Variants in LRIG2 observed in about 807,000 individuals in gnomAD.
LRIG2 encodes the protein leucine-rich repeats and immunoglobulin-like domains protein 2.
Under a neutral mutation model 107.8 loss-of-function variants are expected in LRIG2, and 93 were observed. The ratio of observed to expected loss-of-function variants is 0.86; its 90% CI spans 0.73 to 1.03. The LOEUF (loss-of-function observed/expected upper bound fraction) is 1.03, where lower values mean the gene tolerates loss of function less well. Among genes scored for constraint, LRIG2 ranks in the 50% least tolerant of loss-of-function variants. LRIG2 has a pLI of 0.00. For missense variants in LRIG2, 1,226 were observed against 1,296.0 expected (o/e 0.95, Z 0.83); for synonymous variants, 471 against 470.6 (o/e 1.00, Z -0.01).
intron 13 of LRIG2, among the ~76,000 whole-genome samples, chr1:113,111,038 CTT>C (rs1410689337): frequency 1.3e-5 from 2 of 151,446 alleles, no homozygotes; most frequent in Non-Finnish European, 2.9e-5. Flanking sequence ...TTTAATTTCT[CTT>C]GTTTTTTGTT....
At chr1:113,109,100 G>A (rs1039992413) in intron 12 of LRIG2, among the ~76,000 whole-genome samples, 3 of 152,142 alleles carry the variant, frequency 2.0e-5, no homozygotes, top group Non-Finnish European at 4.4e-5. Context: ...TTTTTACAAA[G>A]TTTAAAGAAG....
At chr1:113,096,476 G>A in intron 8 of LRIG2, 111 bp downstream of exon 8, 1 of 1,201,334 alleles carries the variant, frequency 8.3e-7, no homozygotes, top group Non-Finnish European at 1.2e-6. Flanking sequence ...CTAACATTTT[G>A]TGGTTCTTCT....
rs1655390579 is a variant in LRIG2, at chr1:113,124,186, T to C, written c.*85T>C. Reference sequence around the variant, plus strand: ...TCAGAGCTCAGAAGAAACTCCGAAGTCAGCATTTGCTTTACTCTTTCTTTA... The same window carrying C: ...TCAGAGCTCAGAAGAAACTCCGAAGCCAGCATTTGCTTTACTCTTTCTTTA... On this transcript the variant is annotated 3_prime_UTR_variant, in exon 18 of 18. Coordinates refer to ENST00000361127, the MANE Select transcript of LRIG2 (RefSeq NM_014813.3). 1 of 1,184,970 alleles carries C rather than the reference T, an allele frequency of 8.4e-7. No individual in the cohort carries two copies. Among genetic ancestry groups the C allele is most frequent in the South Asian group, 1.3e-5 (1 of 74,464 alleles). The allele number at this position is 1,184,970 out of a possible 1,614,324, so 73.4% of individuals were successfully genotyped here.
At position 113,131,585 on chromosome 1, in the gene LRIG2, G is replaced by A. The variant is rs2101084076; in HGVS notation, c.*7484G>A. 6.6e-6 allele frequency: 1 copy of A among 152,282 alleles called. No individual in the cohort carries two copies. Among genetic ancestry groups the A allele is most frequent in the Middle Eastern group, 3.4e-3 (1 of 294 alleles). 9.4% of individuals were successfully genotyped at this position (152,282 alleles called of 1,614,324 possible). A position where few individuals can be genotyped will look rare whatever the true frequency, so the allele number is the denominator to read the frequency against. ...GATCTCTTTGCCCATACAGTTGGCA[G>A]ATGTTTTTTCCCCCTTTTTCTACCT... On this transcript the variant is annotated 3_prime_UTR_variant, in exon 18 of 18. Coordinates refer to ENST00000361127, the MANE Select transcript of LRIG2 (RefSeq NM_014813.3).
At chr1:113,084,815 T>G (rs1653472670) in intron 1 of LRIG2, among the ~76,000 whole-genome samples, 1 of 152,228 alleles carries the variant, frequency 6.6e-6, no homozygotes. Flanking sequence ...CACATCATAT[T>G]AAGTAAAGGC....
intron 2 of LRIG2, 69 bp downstream of exon 2, chr1:113,091,452 G>T: frequency 9.8e-7 from 1 of 1,024,006 alleles, no homozygotes; most frequent in Admixed American, 2.5e-5. Flanking sequence ...GTGATTTGTG[G>T]GATGTTTAAT....
At position 113,115,132 on chromosome 1, in the gene LRIG2, A is replaced by G. The variant is rs115465534; in HGVS notation, c.2530+256A>G. ...CATTACCTGATATGTGATAGAAGGG[A>G]GTTTTTGTTGTTAAAATGTTCAACT... is the stretch of plus-strand genomic sequence containing the variant. On this transcript the variant is annotated intron_variant, in intron 15 of 17. Coordinates refer to ENST00000361127, the MANE Select transcript of LRIG2 (RefSeq NM_014813.3). 5.7e-3 allele frequency among the ~76,000 whole-genome samples: 874 copies of G among 152,282 alleles called. 6 individuals carry two copies. The highest frequency in any genetic ancestry group is 0.027 in the Middle Eastern group (8 of 292).
At chr1:113,090,432 G>A (rs920032430) in intron 1 of LRIG2, among the ~76,000 whole-genome samples, 10 of 151,920 alleles carry the variant, frequency 6.6e-5, no homozygotes, top group African/African-American at 2.2e-4. Context: ...ATACACACAC[G>A]TAAAGTAAAA....
intron 1 of LRIG2, among the ~76,000 whole-genome samples, chr1:113,084,020 TAA>T (rs1653417226): frequency 7.2e-6 from 1 of 139,132 alleles, no homozygotes; most frequent in South Asian, 2.5e-4. Context: ...ATAATAATAA[TAA>T]TAATAATAAT....
intron 1 of LRIG2, among the ~76,000 whole-genome samples, chr1:113,074,042 G>C (rs888702430): frequency 6.6e-6 from 1 of 152,012 alleles, no homozygotes; most frequent in African/African-American, 2.4e-5. Flanking sequence ...GCATGATTTG[G>C]TGTGTACCTC....
At chr1:113,108,997 A>G (rs779853897) in intron 12 of LRIG2, among the ~76,000 whole-genome samples, 7 of 152,188 alleles carry the variant, frequency 4.6e-5, no homozygotes, top group Non-Finnish European at 5.9e-5. Context: ...TTGAGTACCT[A>G]TATATTGCCA....
At chr1:113,101,229 C>T (rs1377107711) in intron 11 of LRIG2, among the ~76,000 whole-genome samples, 3 of 152,116 alleles carry the variant, frequency 2.0e-5, no homozygotes, top group Non-Finnish European at 2.9e-5. Context: ...CCACCACACC[C>T]GGCTAATGTT....
intron 11 of LRIG2, among the ~76,000 whole-genome samples, chr1:113,105,435 T>G (rs1208894904): frequency 1.3e-5 from 2 of 152,248 alleles, no homozygotes; most frequent in Non-Finnish European, 2.9e-5. Flanking sequence ...ACTATAATTA[T>G]ATAACTTTAA....
rs1365727909 is a variant in LRIG2 at position 113,099,335 on chromosome 1, T to C, written c.1172+550T>C. 2.8e-5 allele frequency among the ~76,000 whole-genome samples: 4 copies of C among 144,480 alleles called. No individual in the cohort carries two copies. The Admixed American group carries it at 3.0e-4, about 11-fold the overall frequency. 94.8% of individuals were successfully genotyped at this position (144,480 alleles called of 152,430 possible). A position where few individuals can be genotyped will look rare whatever the true frequency, so the allele number is the denominator to read the frequency against. On this transcript the variant is annotated intron_variant, in intron 9 of 17. Transcript: ENST00000361127. ...TCACAGCAGCTTCAACCTCCTAGGC[T>C]CAAGTGATCTCCCACCTTGGCCTCC... is the stretch of plus-strand genomic sequence containing the variant.
chr1:113,123,887 G>A lies in LRIG2; in HGVS notation c.2984G>A (p.Arg995Gln), dbSNP rs139029257. ...STQMSGETLQ[R>Q]PVWNINRELG... ...CTTTCATTCTCAGAAACATTGCAGC[G>A]GCCCGTGTGGAACATAAACAGAGAA... Residue 995 changes from arginine (R) to glutamine (Q), a missense_variant, in exon 18 of 18, where the codon CGG becomes CAG. Arg to Gln is a conservative substitution (Grantham distance 43, BLOSUM62 1). Coordinates refer to ENST00000361127, the MANE Select transcript of LRIG2 (RefSeq NM_014813.3). 3.7e-6 allele frequency: 6 copies of A among 1,613,870 alleles called. No individual in the cohort carries two copies. In the South Asian group the frequency reaches 4.4e-5, roughly 12 times the overall value.
chr1:113,088,224 G>A (rs966533906), intron 1 of LRIG2, among the ~76,000 whole-genome samples: 2 of 152,132 alleles, frequency 1.3e-5, no homozygotes, highest in Admixed American at 1.3e-4. Context: ...CTGTTTGAAA[G>A]CATATATCCT....
chr1:113,123,548 C>T (rs894919362), intron 17 of LRIG2, among the ~76,000 whole-genome samples: 2 of 151,934 alleles, frequency 1.3e-5, no homozygotes, highest in South Asian at 2.1e-4. Flanking sequence ...CACTCCAGCC[C>T]GGGCAACAAG....
rs1459265764 is a variant in LRIG2 at position 113,094,573 on chromosome 1, CA to C, written c.660-36del. 5.6e-6 allele frequency: 9 copies of C among 1,592,922 alleles called. No homozygotes were observed. The South Asian group carries it at 5.7e-5, about 10-fold the overall frequency. ...TTTAATTACTGTTAGAACATTTTAG[CA>C]AACCAATTTCCTGACTGTAAAACTA... On this transcript the variant is annotated intron_variant, in intron 5 of 17. Coordinates refer to ENST00000361127, the MANE Select transcript of LRIG2 (RefSeq NM_014813.3).
rs759398154 is a variant in LRIG2 at position 113,119,229 on chromosome 1, T to C, written c.2681-4T>C. ...GATATTTAGATTCTTTTTCTTGTTA[T>C]TAGGTGGCACTGGTACCCGGGTGAT... On this transcript the variant is annotated splice_region_variant and splice_polypyrimidine_tract_variant and intron_variant, in intron 16 of 17. Transcript: ENST00000361127. 3 of 1,602,286 alleles carry C rather than the reference T, an allele frequency of 1.9e-6. No homozygotes were observed. The highest frequency in any genetic ancestry group is 2.7e-5 in the African/African-American group (2 of 74,624).
Sources: gnomAD v4.1 joint callset for allele counts (sites outside exome capture counted in the v4.1 genomes callset) on GRCh38, gnomAD v4.1.1 for gene constraint, MANE v1.5 for transcripts, NCBI Gene and HGNC (gene_info 2026-07-23, HGNC 2026-07-21) for gene names.